EIPR1: variants seen among roughly 807,000 people sequenced by gnomAD.
EIPR1 encodes EARP and GARP complex-interacting protein 1.
EIPR1 carries 25 observed loss-of-function variants against 48.1 expected under a neutral mutation model. That is an observed-to-expected ratio of 0.52 (90% confidence interval 0.38 to 0.73). The LOEUF (loss-of-function observed/expected upper bound fraction) is 0.73, where lower values mean the gene tolerates loss of function less well. Among genes scored for constraint, EIPR1 ranks in the 30% least tolerant of loss-of-function variants. The pLI, the probability that EIPR1 is intolerant of heterozygous loss-of-function variation, is 0.00. For synonymous variants in EIPR1, 204 were observed against 201.9 expected, an observed-to-expected ratio of 1.01 and a Z score of -0.09; for missense variants, 415 against 506.2, an observed-to-expected ratio of 0.82 and a Z score of 1.73.
chr2:3,246,476 C>T (rs1473541986), intron 4 of EIPR1, among the ~76,000 whole-genome samples: 3 of 152,136 alleles, frequency 2.0e-5, no homozygotes, highest in African/African-American at 7.2e-5. Context: ...AATCTTAACA[C>T]GTACACCCTG....
At chr2:3,249,654 C>T (rs1666945588) in intron 4 of EIPR1, among the ~76,000 whole-genome samples, 1 of 152,138 alleles carries the variant, frequency 6.6e-6, no homozygotes, top group East Asian at 1.9e-4. Flanking sequence ...CACTAATAGT[C>T]AAGACAATGG....
At chr2:3,274,513 G>A (rs1036268200) in intron 3 of EIPR1, 1 of 1,399,682 alleles carries the variant, frequency 7.1e-7, no homozygotes, top group Non-Finnish European at 9.4e-7. Context: ...CCCTACTTGG[G>A]GTATAAATAA....
At chr2:3,285,405 C>T (rs7565972) in intron 3 of EIPR1, among the ~76,000 whole-genome samples, 50,907 of 150,684 alleles carry the variant, frequency 0.34, 8,724 homozygotes, top group African/African-American at 0.35. Flanking sequence ...CTGCAGCGAG[C>T]GAGCACTGGC....
intron 2 of EIPR1, among the ~76,000 whole-genome samples, chr2:3,348,737 C>G (rs1026831336): frequency 6.6e-6 from 1 of 152,224 alleles, no homozygotes; most frequent in African/African-American, 2.4e-5. Context: ...AGGGAATCAA[C>G]GACTGAAAGG....
chr2:3,355,873 TAAAAC>T (rs1369917434), intron 1 of EIPR1, among the ~76,000 whole-genome samples: 22 of 151,556 alleles, frequency 1.5e-4, no homozygotes, highest in Non-Finnish European at 2.7e-4. Context: ...AGTCATACAA[TAAAAC>T]AAAACCACAT....
At chr2:3,240,471 AAAAGCCAGCAGATCCCTCCTAAAGC>A (rs1666572450) in intron 4 of EIPR1, among the ~76,000 whole-genome samples, 13 of 139,214 alleles carry the variant, frequency 9.3e-5, no homozygotes, top group Admixed American at 1.5e-4. Context: ...CTTCCTCAAG[AAAAGCCAGCAGATCCCTCCTAAAGC>A]AAAGCCAGCA....
chr2:3,330,570 C>T (rs1428987705), intron 3 of EIPR1, among the ~76,000 whole-genome samples: 1 of 106,308 alleles, frequency 9.4e-6, no homozygotes, highest in Non-Finnish European at 2.3e-5. Flanking sequence ...AATGCGCACA[C>T]TCACGAGACA....
At chr2:3,258,089 G>A (rs1225098876) in intron 3 of EIPR1, among the ~76,000 whole-genome samples, 3 of 152,180 alleles carry the variant, frequency 2.0e-5, no homozygotes, top group African/African-American at 4.8e-5. Context: ...AGAAATGAGA[G>A]TGCCATCCTT....
intron 5 of EIPR1, among the ~76,000 whole-genome samples, chr2:3,202,603 C>T (rs1034748498): frequency 3.9e-5 from 6 of 152,188 alleles, no homozygotes; most frequent in Non-Finnish European, 7.3e-5. Flanking sequence ...CTTGATGACT[C>T]GTGTGTGCGA....
Position 3,194,179 on chromosome 2 carries a change from G to T in EIPR1, c.654-13C>A. On this transcript the variant is annotated splice_polypyrimidine_tract_variant and intron_variant, in intron 6 of 8. Transcript: ENST00000382125. ...GCAGTAGATCTGGCTGAGGGAGAAGGAAGAACAGCAAAGGAAAATAGTAAA... is the reference window on the plus strand; with the variant it reads ...GCAGTAGATCTGGCTGAGGGAGAAGTAAGAACAGCAAAGGAAAATAGTAAA... 6.2e-7 allele frequency: 1 copy of T among 1,612,566 alleles called. No individual in the cohort carries two copies. The highest frequency in any genetic ancestry group is 8.5e-7 in the Non-Finnish European group (1 of 1,179,136).
At chr2:3,309,701 C>T (rs1391071393) in intron 3 of EIPR1, among the ~76,000 whole-genome samples, 1 of 152,134 alleles carries the variant, frequency 6.6e-6, no homozygotes, top group African/African-American at 2.4e-5. Flanking sequence ...AAATGGCCGG[C>T]GCTCGACCAG....
In EIPR1 at chr2:3,218,287, G is replaced by C. The variant is rs186682237; in HGVS notation, c.417-4039C>G. Among the ~76,000 whole-genome samples the C allele has an allele frequency of 5.4e-5, 8 of 147,592 alleles. No homozygotes were observed. In the South Asian group the frequency reaches 8.8e-4, roughly 16 times the overall value. ...AGTGACCCAGGTGCACACCCAACAC[G>C]GCCCTGATACACTCTAGAGCTTTCA... On this transcript the variant is annotated intron_variant, in intron 4 of 8. Transcript: ENST00000382125.
At chr2:3,216,683 A>G (rs1665649322) in intron 4 of EIPR1, among the ~76,000 whole-genome samples, 1 of 152,202 alleles carries the variant, frequency 6.6e-6, no homozygotes, top group South Asian at 2.1e-4. Flanking sequence ...CTCTAAACAG[A>G]TTAAAGGTTT....
chr2:3,283,961 A>AG (rs1558272138), intron 3 of EIPR1, among the ~76,000 whole-genome samples: 67 of 151,046 alleles, frequency 4.4e-4, no homozygotes, highest in African/African-American at 1.6e-3. Context: ...AAAAAAAAAA[A>AG]AAAAGAAAGA....
intron 3 of EIPR1, among the ~76,000 whole-genome samples, chr2:3,303,741 C>G (rs899737202): frequency 6.6e-6 from 1 of 152,192 alleles, no homozygotes; most frequent in South Asian, 2.1e-4. Flanking sequence ...ACACAATAGA[C>G]GACACGTGAT....
At chr2:3,236,444 C>T (rs1187293261) in intron 4 of EIPR1, among the ~76,000 whole-genome samples, 1 of 152,192 alleles carries the variant, frequency 6.6e-6, no homozygotes, top group Non-Finnish European at 1.5e-5. Context: ...GATGACTTCA[C>T]TCAGGAGGAG....
chr2:3,313,103 G>A (rs1426540673), intron 3 of EIPR1, among the ~76,000 whole-genome samples: 1 of 152,122 alleles, frequency 6.6e-6, no homozygotes, highest in Non-Finnish European at 1.5e-5. Flanking sequence ...AATGAGGCTG[G>A]GTGACTGCCT....
At chr2:3,202,098 C>T (rs971510454) in intron 5 of EIPR1, among the ~76,000 whole-genome samples, 2 of 152,032 alleles carry the variant, frequency 1.3e-5, no homozygotes, top group East Asian at 1.9e-4. Flanking sequence ...CCACCACGCC[C>T]GGCTAATTTT....
At chr2:3,198,593 C>A (rs1051323085) in intron 5 of EIPR1, among the ~76,000 whole-genome samples, 2 of 152,050 alleles carry the variant, frequency 1.3e-5, no homozygotes, top group African/African-American at 4.8e-5. Flanking sequence ...CTGTGTCGGT[C>A]GGTCTGAGAA....
Sources: gnomAD v4.1 joint callset for allele counts (sites outside exome capture counted in the v4.1 genomes callset) on GRCh38, gnomAD v4.1.1 for gene constraint, MANE v1.5 for transcripts, NCBI Gene and HGNC (gene_info 2026-07-23, HGNC 2026-07-21) for gene names.